SLC27A1: variants seen among roughly 807,000 people sequenced by gnomAD.
The protein encoded by SLC27A1 is long-chain fatty acid transport protein 1.
In SLC27A1, 61 loss-of-function variants were observed where a neutral mutation model predicts 62.2. That is an observed-to-expected ratio of 0.98 (90% CI 0.80 to 1.21). The LOEUF is 1.21. Ranked by LOEUF, SLC27A1 falls within the 50% of genes most tolerant of loss-of-function variation. The pLI, the probability that SLC27A1 is intolerant of heterozygous loss-of-function variation, is 0.00. For missense variants in SLC27A1, 903 were observed against 932.1 expected (o/e 0.97, Z 0.41); for synonymous variants, 435 against 408.6 (o/e 1.06, Z -0.78).
chr19:17,494,196 G>A (rs141876146), intron 6 of SLC27A1, among the ~76,000 whole-genome samples: 2 of 144,888 alleles, frequency 1.4e-5, no homozygotes, highest in South Asian at 2.2e-4. Context: ...TTTTTTTTTT[G>A]TATTTTTTAG....
chr19:17,470,471 C>A, upstream of SLC27A1: 1 of 1,365,192 alleles, frequency 7.3e-7, no homozygotes, highest in South Asian at 1.5e-5. Flanking sequence ...CGGGGGCGGT[C>A]GTGGGGCGGA....
Position 17,486,491 on chromosome 19 carries a change from G to A in SLC27A1, c.168-72G>A, listed in dbSNP as rs1415702710. ...TGGCTGCCCTGGGGTCCTCCAGCGG[G>A]GAGGCTGAGGCTCCCAGAGGCCAGG... On this transcript the variant is annotated intron_variant, in intron 1 of 11. Transcript: ENST00000252595. The surrounding 1 kb of genome is among the most constrained non-coding windows in gnomAD (Gnocchi z 6.6). The A allele has an allele frequency of 5.4e-6, 8 of 1,474,686 alleles. No individual in the cohort carries two copies. Among genetic ancestry groups the A allele is most frequent in the South Asian group, 3.9e-5 (3 of 76,082 alleles). The allele number at this position is 1,474,686 out of a possible 1,614,324, so 91.4% of individuals were successfully genotyped here. A position where few individuals can be genotyped will look rare whatever the true frequency, so the allele number is the denominator to read the frequency against.
Position 17,497,329 on chromosome 19 carries a change from C to T in SLC27A1, c.1071C>T (p.Arg357=), listed in dbSNP as rs143312998. Reference sequence around the variant, plus strand: ...TGCGCGAGGCGGAGAGGCGACACCGCGTGCGCCTGGCGGTGGGGAACGGGC... The same window carrying T: ...TGCGCGAGGCGGAGAGGCGACACCGTGTGCGCCTGGCGGTGGGGAACGGGC... ...QPVREAERRH[R]VRLAVGNGLR... Residue 357 remains arginine (R), a synonymous_variant, in exon 7 of 12, where the codon CGC becomes CGT. Transcript: ENST00000252595. The T allele has an allele frequency of 7.2e-5, 115 of 1,605,198 alleles. No homozygotes were observed. The East Asian group carries it at 2.2e-3, about 31-fold the overall frequency.
rs549071246 is a variant in SLC27A1 at position 17,487,485 on chromosome 19, G to C, written c.750G>C (p.Ser250=). 1 of 1,606,792 alleles carries C rather than the reference G, an allele frequency of 6.2e-7. No individual in the cohort carries two copies. The part of the protein sequence containing the change: ...MDDRLFYIYT[S]GTTGLPKAAI... ...ATCGTCTTTTCTACATCTACACGTC[G>C]GGGACCACCGGGCTGCCCAAGGCTG... Residue 250 remains serine, a synonymous_variant, in exon 4 of 12, where the codon TCG becomes TCC. Coordinates refer to ENST00000252595, the MANE Select transcript of SLC27A1 (RefSeq NM_198580.3).
At chr19:17,477,239 G>GT (rs1368216587) in intron 1 of SLC27A1, among the ~76,000 whole-genome samples, 2 of 49,052 alleles carry the variant, frequency 4.1e-5, no homozygotes, top group African/African-American at 8.1e-5. Context: ...GATGAGCAGC[G>GT]CTTTTTTTTT....
chr19:17,486,748 A>T lies in SLC27A1; in HGVS notation c.353A>T (p.Asn118Ile). The stretch of plus-strand genomic sequence containing the variant: ...GACGCCTACTCCAATGCGGTAGCCA[A>T]CCTCTTCCGCCAGCTGGGCTTCGCG... ...QLDAYSNAVANLFRQLGFAPG... is the reference protein window; with the variant it reads ...QLDAYSNAVAILFRQLGFAPG... Residue 118 changes from asparagine (N) to isoleucine (I), a missense_variant, in exon 2 of 12, where the codon AAC becomes ATC. Asn to Ile is a moderately radical substitution (Grantham distance 149). Transcript: ENST00000252595. This position sits in a 1 kb window ranked among gnomAD's most constrained non-coding sequence, Gnocchi z 6.6. 6.2e-7 allele frequency: 1 copy of T among 1,610,000 alleles called. No homozygotes were observed. The highest frequency in any genetic ancestry group is 2.2e-5 in the East Asian group (1 of 44,756).
At chr19:17,504,353 G>C in intron 11 of SLC27A1, 102 bp from the exon 12 acceptor site, 4 of 1,407,452 alleles carry the variant, frequency 2.8e-6, no homozygotes, top group South Asian at 2.5e-5. Context: ...CTGCCCAGGG[G>C]ACAGCCTGTG....
At position 17,488,893 on chromosome 19, in the gene SLC27A1, G is replaced by A; in HGVS notation, c.840G>A (p.Gln280=). The A allele has an allele frequency of 6.2e-7, 1 of 1,614,136 alleles. No homozygotes were observed. Among genetic ancestry groups the A allele is most frequent in the Non-Finnish European group, 8.5e-7 (1 of 1,180,018 alleles). Residue 280 remains glutamine, a synonymous_variant, in exon 5 of 12, where the codon CAG becomes CAA. Transcript: ENST00000252595. ...TCGGCCACCACGCCTACCGCATGCA[G>A]GCGGCTGACGTGCTCTATGACTGCC... is the stretch of plus-strand genomic sequence containing the variant. The part of the protein sequence containing the change: ...AAFGHHAYRM[Q]AADVLYDCLP...
upstream of SLC27A1, chr19:17,470,490 TG>T: frequency 7.0e-7 from 1 of 1,418,778 alleles, no homozygotes; most frequent in East Asian, 2.9e-5. Flanking sequence ...GAGCGGGTCG[TG>T]GGGCGGGGCT....
chr19:17,502,335 G>GTTTTGTTT (rs2075424046), intron 11 of SLC27A1, among the ~76,000 whole-genome samples: 1 of 75,902 alleles, frequency 1.3e-5, no homozygotes, highest in Non-Finnish European at 2.5e-5. Context: ...CTGAAATAGT[G>GTTTTGTTT]TTTTTTTTGT....
chr19:17,498,586 C>CCG (rs2075374341), intron 7 of SLC27A1: 2 of 189,506 alleles, frequency 1.1e-5, no homozygotes, highest in Non-Finnish European at 2.2e-5. Context: ...GTTTTTCTCC[C>CCG]TGTGTGCGGA....
In SLC27A1 at chr19:17,486,110, C is replaced by T. The variant is rs1421718105; in HGVS notation, c.168-453C>T. Among the ~76,000 whole-genome samples the T allele has an allele frequency of 6.6e-6, 1 of 152,238 alleles. No homozygotes were observed. Among genetic ancestry groups the T allele is most frequent in the Non-Finnish European group, 1.5e-5 (1 of 68,044 alleles). On this transcript the variant is annotated intron_variant, in intron 1 of 11. Transcript: ENST00000252595. This position sits in a 1 kb window ranked among gnomAD's most constrained non-coding sequence, Gnocchi z 6.6. ...TTGGGGGCACACGTGCTAGATGCTT[C>T]AGCCATCTGTCCCTGGTGCCACCCA...
chr19:17,502,153 G>A (rs527336782), intron 11 of SLC27A1, among the ~76,000 whole-genome samples: 71 of 151,614 alleles, frequency 4.7e-4, no homozygotes, highest in Non-Finnish European at 5.6e-4. Flanking sequence ...TTTTTGGTGC[G>A]GACAAACAAA....
At position 17,506,129 on chromosome 19, in the gene SLC27A1, T is replaced by C. The variant is rs979065085; in HGVS notation, c.*1517T>C. The C allele has an allele frequency of 6.6e-6, 1 of 152,232 alleles. No homozygotes were observed. The highest frequency in any genetic ancestry group is 1.5e-5 in the Non-Finnish European group (1 of 68,044). 9.4% of individuals were successfully genotyped at this position (152,232 alleles called of 1,614,324 possible). A position where few individuals can be genotyped will look rare whatever the true frequency, so the allele number is the denominator to read the frequency against. On this transcript the variant is annotated 3_prime_UTR_variant, in exon 12 of 12. Coordinates refer to ENST00000252595, the MANE Select transcript of SLC27A1 (RefSeq NM_198580.3). Reference sequence around the variant, plus strand: ...TGAACTTTCCTGGGCACTGTGGTTTTATTTCCTAATTGATTTAAGAAATAA... The same window carrying C: ...TGAACTTTCCTGGGCACTGTGGTTTCATTTCCTAATTGATTTAAGAAATAA...
rs755169869 is a variant in SLC27A1, at chr19:17,470,624, G to A, written c.84G>A (p.Ala28=). 1.2e-5 allele frequency: 19 copies of A among 1,573,196 alleles called. No individual in the cohort carries two copies. Among genetic ancestry groups the A allele is most frequent in the Middle Eastern group, 1.7e-4 (1 of 5,788 alleles). The part of the protein sequence containing the change: ...WLLGLPWTWS[A]AAALGVYVGS... ...TGGGGCTGCCGTGGACCTGGAGCGC[G>A]GCAGCGGCGCTCGGCGTGTACGTGG... The change falls in exon 1 of 12, where the codon GCG becomes GCA. Residue 28 remains alanine, a synonymous_variant. Coordinates refer to ENST00000252595, the MANE Select transcript of SLC27A1 (RefSeq NM_198580.3).
At position 17,489,246 on chromosome 19, in the gene SLC27A1, G is replaced by GGCCCC. The variant is rs2075271286; in HGVS notation, c.996+130_996+131insCCCCG. On this transcript the variant is annotated intron_variant, in intron 6 of 11. Coordinates refer to ENST00000252595, the MANE Select transcript of SLC27A1 (RefSeq NM_198580.3). ...GCAAAGCCCCACCTCCTCCTGGTCAGGTCCCGTCCTCTCCCAGCCAGGCCC... is the reference window on the plus strand; with the variant it reads ...GCAAAGCCCCACCTCCTCCTGGTCAGGCCCCGTCCCGTCCTCTCCCAGCCAGGCCC... 5.1e-5 allele frequency: 38 copies of GGCCCC among 748,620 alleles called. No individual in the cohort carries two copies. The South Asian group carries it at 6.2e-4, about 12-fold the overall frequency. 46.4% of individuals were successfully genotyped at this position (748,620 alleles called of 1,614,324 possible).
intron 1 of SLC27A1, among the ~76,000 whole-genome samples, chr19:17,482,650 C>CAAAA (rs57804553): frequency 3.3e-5 from 2 of 60,686 alleles, no homozygotes; most frequent in African/African-American, 1.3e-4. Context: ...GACTCTGTCT[C>CAAAA]AAAAAAAAAA....
In SLC27A1 at chr19:17,496,827, G is replaced by A. The variant is rs113111816; in HGVS notation, c.997-428G>A. 1,150 of 159,390 alleles carry A rather than the reference G, an allele frequency of 7.2e-3. 14 individuals are homozygous for A. The highest frequency in any genetic ancestry group is 0.024 in the African/African-American group (1,014 of 41,608). 9.9% of individuals were successfully genotyped at this position (159,390 alleles called of 1,614,324 possible). A position where few individuals can be genotyped will look rare whatever the true frequency, so the allele number is the denominator to read the frequency against. ...ACACTTTGGGAGGCTGAGGCAGGAG[G>A]ATTGCTTGAGGCCAGGAGTTCAAGA... On this transcript the variant is annotated intron_variant, in intron 6 of 11. Coordinates refer to ENST00000252595, the MANE Select transcript of SLC27A1 (RefSeq NM_198580.3).
chr19:17,469,693 G>A (rs1242332084), upstream of SLC27A1, among the ~76,000 whole-genome samples: 2 of 152,136 alleles, frequency 1.3e-5, no homozygotes, highest in Non-Finnish European at 2.9e-5. Flanking sequence ...GGGCTTCGAA[G>A]TAGACAGGAG....
Sources: gnomAD v4.1 joint callset for allele counts (sites outside exome capture counted in the v4.1 genomes callset) on GRCh38, gnomAD v4.1.1 for gene constraint, Gnocchi (gnomAD v3.1) non-coding constraint, MANE v1.5 for transcripts, NCBI Gene and HGNC (gene_info 2026-07-23, HGNC 2026-07-21) for gene names.